The following ZNF385D variants were observed in gnomAD, a reference collection of about 807,000 sequenced individuals.
ZNF385D encodes the protein zinc finger protein 385D.
A neutral mutation model predicts 35.8 loss-of-function variants in ZNF385D; 15 were observed. The observed-to-expected ratio is 0.42, with a 90% CI of 0.28 to 0.64. ZNF385D has a LOEUF of 0.64. Ranked by LOEUF, ZNF385D falls within the 30% of genes least tolerant of loss-of-function variation. The probability of loss-of-function intolerance (pLI) is 0.23; values close to 1 mark genes in which losing one functional copy is unlikely to be tolerated. For synonymous variants in ZNF385D, 212 were observed against 186.8 expected (o/e 1.13, Z -1.10); for missense variants, 474 against 494.6 (o/e 0.96, Z 0.39).
chr3:21,625,891 A>T (rs2065122356), intron 2 of ZNF385D, among the ~76,000 whole-genome samples: 1 of 152,114 alleles, frequency 6.6e-6, no homozygotes, highest in Non-Finnish European at 1.5e-5. Context: ...AAGCGATTTG[A>T]AATTATCATT....
At chr3:22,087,620 G>C (rs1231870795) in intron 3 of ZNF385D, among the ~76,000 whole-genome samples, 2 of 152,034 alleles carry the variant, frequency 1.3e-5, no homozygotes, top group Non-Finnish European at 2.9e-5. Flanking sequence ...TGAATCCCTG[G>C]GGATTTTTGA....
intron 2 of ZNF385D, among the ~76,000 whole-genome samples, chr3:21,664,533 A>G (rs1453446962): frequency 6.6e-6 from 1 of 152,326 alleles, no homozygotes; most frequent in East Asian, 1.9e-4. Context: ...CACATTTTTA[A>G]TTTTTAAATA....
intron 3 of ZNF385D, among the ~76,000 whole-genome samples, chr3:21,951,985 C>T (rs1306878260): frequency 2.0e-5 from 3 of 151,510 alleles, no homozygotes; most frequent in Admixed American, 2.0e-4. Context: ...TGAGAGACTC[C>T]ATTATTTTAG....
chr3:22,126,814 T>C (rs950938940), intron 3 of ZNF385D, among the ~76,000 whole-genome samples: 1 of 152,136 alleles, frequency 6.6e-6, no homozygotes, highest in African/African-American at 2.4e-5. Flanking sequence ...ATCTCTCTCT[T>C]TAGCTCTAAT....
At chr3:21,831,360 A>T (rs1222180004) in intron 3 of ZNF385D, among the ~76,000 whole-genome samples, 3 of 152,174 alleles carry the variant, frequency 2.0e-5, no homozygotes, top group Non-Finnish European at 4.4e-5. Flanking sequence ...TGGCAAGAAC[A>T]TAGTAGGTAA....
intron 2 of ZNF385D, among the ~76,000 whole-genome samples, chr3:21,591,033 A>G (rs891081801): frequency 1.3e-4 from 19 of 151,468 alleles, no homozygotes; most frequent in South Asian, 1.2e-3. Context: ...TGTCTCCCCA[A>G]AAAAAAAATT....
intron 2 of ZNF385D, among the ~76,000 whole-genome samples, chr3:22,191,035 T>A (rs989518713): frequency 2.0e-5 from 3 of 152,196 alleles, no homozygotes. Context: ...AAATTGGCAG[T>A]AATTATTGTT....
At chr3:22,297,791 A>G (rs1258402789) in intron 2 of ZNF385D, among the ~76,000 whole-genome samples, 1 of 152,158 alleles carries the variant, frequency 6.6e-6, no homozygotes, top group African/African-American at 2.4e-5. Context: ...AAACCTTTAA[A>G]ATGAATGGAC....
intron 3 of ZNF385D, among the ~76,000 whole-genome samples, chr3:21,884,794 G>A (rs1337451516): frequency 1.3e-5 from 2 of 151,970 alleles, no homozygotes; most frequent in Non-Finnish European, 1.5e-5. Flanking sequence ...TGACCATATG[G>A]CAATATTTAC....
rs575303846 is a variant in ZNF385D at position 22,093,195 on chromosome 3, C to G, written c.325+75622G>C. Among the ~76,000 whole-genome samples the G allele has an allele frequency of 4.8e-3, 727 of 152,164 alleles. 11 individuals are homozygous for G. Among genetic ancestry groups the G allele is most frequent in the African/African-American group, 0.016 (662 of 41,544 alleles). ...AAAGTTGTTAATTGTGTCTAAATCA[C>G]TTAGTTTTAAGACTACTGACTTTAC... On this transcript the variant is annotated intron_variant, in intron 3 of 5. Coordinates refer to the ZNF385D transcript ENST00000494108.
At chr3:21,566,296 C>T (rs1289013606) in intron 2 of ZNF385D, among the ~76,000 whole-genome samples, 1 of 152,116 alleles carries the variant, frequency 6.6e-6, no homozygotes, top group Non-Finnish European at 1.5e-5. Flanking sequence ...GAAGCTCAGC[C>T]TCTCCTCATT....
chr3:21,435,707 T>G (rs1575139694), intron 5 of ZNF385D, among the ~76,000 whole-genome samples: 2 of 152,198 alleles, frequency 1.3e-5, no homozygotes, highest in South Asian at 4.1e-4. Context: ...CCAATGATGT[T>G]TATACTTTCC....
chr3:22,104,831 G>C (rs553185408), intron 3 of ZNF385D, among the ~76,000 whole-genome samples: 1 of 152,156 alleles, frequency 6.6e-6, no homozygotes, highest in East Asian at 1.9e-4. Flanking sequence ...GAAATCAAAA[G>C]AGTCTCTGAA....
chr3:21,884,720 T>C (rs1034502412), intron 3 of ZNF385D, among the ~76,000 whole-genome samples: 1 of 152,052 alleles, frequency 6.6e-6, no homozygotes, highest in South Asian at 2.1e-4. Context: ...ACTATATAAT[T>C]GTGTGCTAAC....
intron 3 of ZNF385D, among the ~76,000 whole-genome samples, chr3:21,847,337 G>T (rs1482821512): frequency 1.3e-5 from 2 of 151,980 alleles, no homozygotes; most frequent in Non-Finnish European, 1.5e-5. Flanking sequence ...GTTTGAAAAT[G>T]TGACAAAAAA....
At chr3:21,524,835 C>G (rs1708127375) in intron 3 of ZNF385D, among the ~76,000 whole-genome samples, 1 of 152,120 alleles carries the variant, frequency 6.6e-6, no homozygotes, top group Admixed American at 6.6e-5. Flanking sequence ...CAAGGGCTGA[C>G]TATATATAAA....
rs570416547 is a variant in ZNF385D, at chr3:21,420,699, T to C, written c.*515A>G. On this transcript the variant is annotated 3_prime_UTR_variant, in exon 8 of 8. Transcript: ENST00000281523. ...AGACATCTACTGTATCTACTTTTGT[T>C]GGGATAAATACCCAGTAATTGCCGT... The C allele has an allele frequency of 9.1e-4, 139 of 153,586 alleles. No individual in the cohort carries two copies. The highest frequency in any genetic ancestry group is 1.2e-3 in the Non-Finnish European group (81 of 68,866). The allele number at this position is 153,586 out of a possible 1,614,324, so 9.5% of individuals were successfully genotyped here.
chr3:21,511,846 G>A (rs552389069), intron 3 of ZNF385D: 21 of 452,062 alleles, frequency 4.6e-5, no homozygotes, highest in African/African-American at 2.6e-4. Context: ...GTGGGGGAGC[G>A]GTATAGTGAA....
intron 1 of ZNF385D, among the ~76,000 whole-genome samples, chr3:21,711,080 C>G (rs58461253): frequency 0.2 from 22,165 of 110,576 alleles, 2,332 homozygotes; most frequent in Admixed American, 0.37. Flanking sequence ...CTTGCTCTGT[C>G]GCCTAGGATG....
Sources: allele counts gnomAD v4.1 joint callset (sites outside exome capture counted in the v4.1 genomes callset), GRCh38; gene constraint gnomAD v4.1.1; transcripts MANE v1.5; gene names NCBI Gene and HGNC (gene_info 2026-07-23, HGNC 2026-07-21).